The following DTNB variants were observed in gnomAD, a reference collection of about 807,000 sequenced individuals.
DTNB encodes the protein dystrobrevin beta, also known as DTN-B.
In DTNB, 63 loss-of-function variants were observed where a neutral mutation model predicts 90.7. That is an observed-to-expected ratio of 0.69 (90% CI 0.57 to 0.86). DTNB has a LOEUF of 0.86. Among genes scored for constraint, DTNB ranks in the 40% least tolerant of loss-of-function variants. The pLI is 0.00. For missense variants in DTNB, 744 were observed against 807.1 expected (o/e 0.92, Z 0.95); for synonymous variants, 277 against 286.7 (o/e 0.97, Z 0.34).
chr2:25,550,187 C>A (rs527513321), intron 8 of DTNB, among the ~76,000 whole-genome samples: 2 of 151,972 alleles, frequency 1.3e-5, no homozygotes, highest in Non-Finnish European at 2.9e-5. Flanking sequence ...GTCAGGAGAT[C>A]GAGACCATCC....
intron 1 of DTNB, among the ~76,000 whole-genome samples, chr2:25,653,422 GTT>G (rs1272261622): frequency 1.7e-5 from 2 of 119,670 alleles, no homozygotes; most frequent in South Asian, 2.7e-4. Flanking sequence ...CCAATTAAAC[GTT>G]TTTTTTTTAA....
chr2:25,379,569 A>C (rs2036969826), intron 19 of DTNB: 1 of 410,796 alleles, frequency 2.4e-6, no homozygotes, highest in Admixed American at 4.4e-5. Flanking sequence ...GTCATTAAAA[A>C]ATGGAATCAA....
rs562795830 is a variant in DTNB at position 25,539,320 on chromosome 2, T to C, written c.877-7723A>G. On this transcript the variant is annotated intron_variant, in intron 8 of 20. Coordinates refer to ENST00000406818, the MANE Select transcript of DTNB (RefSeq NM_021907.5). ...TTACTAAGCACTGCCAATTTGTTTTTACAAAGTGGTAACATTAATTTCCAC... is the reference window on the plus strand; with the variant it reads ...TTACTAAGCACTGCCAATTTGTTTTCACAAAGTGGTAACATTAATTTCCAC... Among the ~76,000 whole-genome samples, 4 of 152,352 alleles carry C rather than the reference T, an allele frequency of 2.6e-5. No homozygotes were observed. In the South Asian group the frequency reaches 6.2e-4, roughly 24 times the overall value.
intron 1 of DTNB, among the ~76,000 whole-genome samples, chr2:25,660,786 G>C (rs2083019106): frequency 6.6e-6 from 1 of 151,752 alleles, no homozygotes; most frequent in African/African-American, 2.4e-5. Context: ...TTTCTATCGT[G>C]GACAGTGTTG....
intron 8 of DTNB, among the ~76,000 whole-genome samples, chr2:25,568,711 A>G (rs1475750045): frequency 2.6e-5 from 4 of 152,200 alleles, no homozygotes; most frequent in Admixed American, 2.6e-4. Flanking sequence ...GACAGAGTGT[A>G]ATTTCCAAAC....
At chr2:25,497,670 G>A (rs2069266441) in intron 9 of DTNB, 1 of 152,220 alleles carries the variant, frequency 6.6e-6, no homozygotes, top group Non-Finnish European at 1.5e-5. Flanking sequence ...TATCCAGTGT[G>A]AGCTGCTGAG....
At chr2:25,595,888 C>A (rs570642885) in intron 6 of DTNB, among the ~76,000 whole-genome samples, 198 bp downstream of exon 6, 3 of 132,680 alleles carry the variant, frequency 2.3e-5, no homozygotes, top group African/African-American at 8.5e-5. Context: ...CACCCCCCCA[C>A]CCCCAGTTCC....
In DTNB at chr2:25,387,967, C is replaced by T. The variant is rs1002382984; in HGVS notation, c.1735+235G>A. On this transcript the variant is annotated intron_variant, in intron 17 of 20. Coordinates refer to ENST00000406818, the MANE Select transcript of DTNB (RefSeq NM_021907.5). The surrounding 1 kb of genome is among the most constrained non-coding windows in gnomAD (Gnocchi z 4.5). ...ACTTCCAATAATCCAGAAAAAAGGG[C>T]AGAGAACCCCAGGAGGCCTGTTCTT... is the stretch of plus-strand genomic sequence containing the variant. 6.6e-6 allele frequency among the ~76,000 whole-genome samples: 1 copy of T among 152,210 alleles called. No homozygotes were observed. Among genetic ancestry groups the T allele is most frequent in the African/African-American group, 2.4e-5 (1 of 41,454 alleles).
intron 4 of DTNB, among the ~76,000 whole-genome samples, chr2:25,613,169 G>A (rs1346019014): frequency 2.0e-5 from 3 of 151,742 alleles, no homozygotes; most frequent in Non-Finnish European, 4.4e-5. Context: ...GGCTGGTCTC[G>A]AACTCCTAAA....
intron 16 of DTNB, among the ~76,000 whole-genome samples, chr2:25,404,355 T>C (rs906923600): frequency 1.3e-5 from 2 of 151,840 alleles, no homozygotes; most frequent in Non-Finnish European, 2.9e-5. Flanking sequence ...ACAACTGCAA[T>C]GGGCAGAAGA....
rs563069412 is a variant in DTNB at position 25,452,395 on chromosome 2, C to T, written c.1170-760G>A. 2.9e-3 allele frequency among the ~76,000 whole-genome samples: 438 copies of T among 152,320 alleles called. 1 individual carries two copies. Among genetic ancestry groups the T allele is most frequent in the Non-Finnish European group, 4.4e-3 (301 of 68,038 alleles). On this transcript the variant is annotated intron_variant, in intron 11 of 20. Transcript: ENST00000406818. ...CATGACTTCTTTAGTATACCAAATG[C>T]TATTTATCCTTATCAAGACAGTCCT...
intron 3 of DTNB, among the ~76,000 whole-genome samples, chr2:25,628,672 G>C (rs2075004065): frequency 6.6e-6 from 1 of 152,132 alleles, no homozygotes; most frequent in Non-Finnish European, 1.5e-5. Flanking sequence ...TGGATAACTT[G>C]ATAAAAAGAT....
At chr2:25,512,999 T>C (rs919974285) in intron 9 of DTNB, among the ~76,000 whole-genome samples, 1 of 152,164 alleles carries the variant, frequency 6.6e-6, no homozygotes, top group Non-Finnish European at 1.5e-5. Flanking sequence ...AATAGGGAAG[T>C]AATATGACAA....
chr2:25,585,871 T>C (rs1572961747), intron 6 of DTNB, among the ~76,000 whole-genome samples: 2 of 152,348 alleles, frequency 1.3e-5, no homozygotes, highest in African/African-American at 4.8e-5. Flanking sequence ...TTGTTGTAAC[T>C]GAAAGGGGCA....
At position 25,652,594 on chromosome 2, in the gene DTNB, G is replaced by T. The variant is rs776584873; in HGVS notation, c.67C>A (p.Arg23Ser). Residue 23 changes from arginine (R) to serine (S), a missense_variant and splice_region_variant, in exon 2 of 21, where the codon CGT (arginine) becomes AGT (serine). Transcript: ENST00000406818. ...ATATGAACAAGGACTCAAGACTCAC[G>T]CATTTCTATGAACAGCTGCCTCTTC... ...AEKRQLFIEMRAQNFDVIRLS... is the reference protein window; with the variant it reads ...AEKRQLFIEMSAQNFDVIRLS... The T allele has an allele frequency of 1.2e-6, 2 of 1,607,526 alleles. No individual in the cohort carries two copies. Among genetic ancestry groups the T allele is most frequent in the Non-Finnish European group, 1.7e-6 (2 of 1,178,138 alleles).
intron 16 of DTNB, among the ~76,000 whole-genome samples, chr2:25,414,688 TAC>T (rs1026356779): frequency 1.3e-5 from 2 of 152,232 alleles, no homozygotes; most frequent in African/African-American, 2.4e-5. Context: ...TATTAATTCA[TAC>T]AGAGTATAAG....
rs2039807957 is a variant in DTNB, at chr2:25,387,429, A to G, written c.1736-51T>C. 6.4e-7 allele frequency: 1 copy of G among 1,565,098 alleles called. No homozygotes were observed. The highest frequency in any genetic ancestry group is 1.4e-5 in the African/African-American group (1 of 74,060). ...ATGCCAGGGTGGGTGAGCGTGGAGAAGAGACGGCTGAGCAAATGCCTCAGT... is the reference window on the plus strand; with the variant it reads ...ATGCCAGGGTGGGTGAGCGTGGAGAGGAGACGGCTGAGCAAATGCCTCAGT... On this transcript the variant is annotated intron_variant, in intron 17 of 20. Transcript: ENST00000406818. The surrounding 1 kb of genome is among the most constrained non-coding windows in gnomAD (Gnocchi z 4.5).
intron 2 of DTNB, 64 bp downstream of exon 2, chr2:25,652,530 T>G: frequency 1.0e-6 from 1 of 969,370 alleles, no homozygotes; most frequent in Non-Finnish European, 1.5e-6. Context: ...TATGACTTGA[T>G]CTAAAAAAAA....
chr2:25,664,531 T>G (rs2149035413), intron 1 of DTNB, among the ~76,000 whole-genome samples: 1 of 152,246 alleles, frequency 6.6e-6, no homozygotes, highest in East Asian at 1.9e-4. Flanking sequence ...TTCCCTAGCT[T>G]ACCGTACGTG....
Sources: allele counts gnomAD v4.1 joint callset (sites outside exome capture counted in the v4.1 genomes callset), GRCh38; gene constraint gnomAD v4.1.1; non-coding constraint Gnocchi (gnomAD v3.1); transcripts MANE v1.5; gene names NCBI Gene and HGNC (gene_info 2026-07-23, HGNC 2026-07-21).